The following BCAR3 variants were observed in gnomAD, a reference collection of about 807,000 sequenced individuals.
BCAR3 encodes the protein BCAR3 adaptor protein, NSP family member.
In BCAR3, 37 loss-of-function variants were observed where a neutral mutation model predicts 80.1. That is an observed-to-expected ratio of 0.46 (90% CI 0.36 to 0.61). BCAR3 has a LOEUF of 0.61. Ranked by LOEUF, BCAR3 falls within the 20% of genes least tolerant of loss-of-function variation. The pLI is 0.00. For missense variants in BCAR3, 978 were observed against 1,068.2 expected, an observed-to-expected ratio of 0.92 and a Z score of 1.18; for synonymous variants, 389 against 418.9, an observed-to-expected ratio of 0.93 and a Z score of 0.87.
intron 2 of BCAR3, among the ~76,000 whole-genome samples, chr1:93,800,917 T>G (rs1653455990): frequency 1.3e-5 from 2 of 152,206 alleles, no homozygotes; most frequent in Non-Finnish European, 1.5e-5. Context: ...TCATTTGAAC[T>G]GTTTGATTAC....
chr1:93,728,680 C>T (rs1243846621), intron 2 of BCAR3, among the ~76,000 whole-genome samples: 1 of 152,218 alleles, frequency 6.6e-6, no homozygotes, highest in Admixed American at 6.5e-5. Flanking sequence ...TGGTCAATGG[C>T]CTGCAGGCAT....
At position 93,642,265 on chromosome 1, in the gene BCAR3, C is replaced by T. The variant is rs372532307; in HGVS notation, c.357+39G>A. ...TGTGTTCCAAATGGGAAATCTACTA[C>T]CCAGGGTCACGGCTACATGTTTAAT... On this transcript the variant is annotated intron_variant, in intron 3 of 11. Coordinates refer to ENST00000260502, the MANE Select transcript of BCAR3 (RefSeq NM_003567.4). 6.2e-5 allele frequency: 100 copies of T among 1,604,180 alleles called. 1 individual carries two copies. In the African/African-American group the frequency reaches 7.2e-4, roughly 12 times the overall value.
intron 2 of BCAR3, among the ~76,000 whole-genome samples, chr1:93,786,645 G>A (rs1283010950): frequency 6.6e-6 from 1 of 152,168 alleles, no homozygotes; most frequent in East Asian, 1.9e-4. Flanking sequence ...GAAGGCCAAA[G>A]AAAGGCCCAA....
intron 3 of BCAR3, among the ~76,000 whole-genome samples, chr1:93,600,116 A>G (rs1674574245): frequency 6.6e-6 from 1 of 152,134 alleles, no homozygotes; most frequent in Non-Finnish European, 1.5e-5. Flanking sequence ...CACCACACAC[A>G]CATATACACA....
At position 93,642,358 on chromosome 1, in the gene BCAR3, T is replaced by C. The variant is rs767007525; in HGVS notation, c.318-15A>G. 1.4e-5 allele frequency: 23 copies of C among 1,608,490 alleles called. No individual in the cohort carries two copies. In the Admixed American group the frequency reaches 3.8e-4, roughly 27 times the overall value. ...GATGTGGATCCCTGAAAAGAGAAAATATAAATATGAGAATGGTTGGGAACG... is the reference window on the plus strand; with the variant it reads ...GATGTGGATCCCTGAAAAGAGAAAACATAAATATGAGAATGGTTGGGAACG... On this transcript the variant is annotated splice_polypyrimidine_tract_variant and intron_variant, in intron 2 of 11. Transcript: ENST00000260502.
rs114222724 is a variant in BCAR3, at chr1:93,699,759, T to C, written c.-12+6333A>G. On this transcript the variant is annotated intron_variant, in intron 3 of 13. Coordinates refer to the BCAR3 transcript ENST00000370244. ...AATAATAGCCAAGTTTACTGAGTGCTTATTATGTAATAGCCAAGCACTGTT... is the reference window on the plus strand; with the variant it reads ...AATAATAGCCAAGTTTACTGAGTGCCTATTATGTAATAGCCAAGCACTGTT... Among the ~76,000 whole-genome samples the C allele has an allele frequency of 8.7e-3, 1,320 of 152,296 alleles. 11 individuals carry two copies. The highest frequency in any genetic ancestry group is 0.022 in the African/African-American group (928 of 41,564).
At chr1:93,832,193 G>A (rs1331501808) in intron 2 of BCAR3, among the ~76,000 whole-genome samples, 10 of 152,318 alleles carry the variant, frequency 6.6e-5, no homozygotes, top group East Asian at 3.9e-4. Context: ...TAGCCAAGTA[G>A]CAACGTATTT....
chr1:93,639,601 C>T (rs545837090), intron 3 of BCAR3, among the ~76,000 whole-genome samples: 11 of 151,834 alleles, frequency 7.2e-5, no homozygotes, highest in Non-Finnish European at 1.5e-4. Context: ...CTCAGCCTCC[C>T]GAGTAGCTAG....
chr1:93,627,225 T>C (rs371849283), intron 3 of BCAR3, among the ~76,000 whole-genome samples: 13 of 152,314 alleles, frequency 8.5e-5, no homozygotes, highest in African/African-American at 3.1e-4. Flanking sequence ...CGTAAACCAA[T>C]ATTTTTCAAA....
At chr1:93,690,723 C>T (rs1649158656) in intron 3 of BCAR3, among the ~76,000 whole-genome samples, 1 of 152,146 alleles carries the variant, frequency 6.6e-6, no homozygotes, top group Non-Finnish European at 1.5e-5. Flanking sequence ...AGTTACATAC[C>T]TCATGATGCT....
intron 2 of BCAR3, among the ~76,000 whole-genome samples, chr1:93,757,741 C>T (rs967935792): frequency 6.6e-6 from 1 of 152,228 alleles, no homozygotes; most frequent in Non-Finnish European, 1.5e-5. Context: ...CACACAGCTT[C>T]CTTGCTGGTG....
intron 2 of BCAR3, among the ~76,000 whole-genome samples, chr1:93,823,302 A>G (rs1378493979): frequency 2.3e-5 from 3 of 133,310 alleles, no homozygotes; most frequent in Non-Finnish European, 3.4e-5. Flanking sequence ...ATCCCAACCA[A>G]TTCTCAATCT....
intron 2 of BCAR3, among the ~76,000 whole-genome samples, chr1:93,832,603 G>C (rs1485436404): frequency 6.6e-6 from 1 of 152,144 alleles, no homozygotes; most frequent in African/African-American, 2.4e-5. Context: ...ACAGTGGAAG[G>C]TAAGTCCATC....
At chr1:93,628,679 A>G (rs528771823) in intron 3 of BCAR3, among the ~76,000 whole-genome samples, 1 of 151,968 alleles carries the variant, frequency 6.6e-6, no homozygotes, top group Non-Finnish European at 1.5e-5. Flanking sequence ...CCTTACTCCA[A>G]CTTTCATAGC....
chr1:93,651,965 G>A (rs889518234), intron 2 of BCAR3, among the ~76,000 whole-genome samples: 13 of 152,146 alleles, frequency 8.5e-5, no homozygotes, highest in East Asian at 1.9e-4. Context: ...ACAAACCAGC[G>A]GTGCTCTCTG....
At chr1:93,692,435 G>A (rs1220310457) in intron 3 of BCAR3, among the ~76,000 whole-genome samples, 1 of 152,180 alleles carries the variant, frequency 6.6e-6, no homozygotes, top group African/African-American at 2.4e-5. Context: ...ATTGGCCTAG[G>A]TGTCTGCAAA....
intron 2 of BCAR3, among the ~76,000 whole-genome samples, chr1:93,743,119 A>G (rs1177784049): frequency 4.6e-5 from 7 of 152,236 alleles, no homozygotes; most frequent in Admixed American, 4.6e-4. Context: ...GTTATCAGAA[A>G]AAAATGTTGA....
intron 3 of BCAR3, among the ~76,000 whole-genome samples, chr1:93,699,447 C>CCAACCT (rs1427953400): frequency 2.0e-5 from 3 of 152,264 alleles, no homozygotes; most frequent in African/African-American, 7.2e-5. Context: ...CTCCCCAACC[C>CCAACCT]CAACCTCGAG....
At chr1:93,590,914 T>G (rs1674147235) in intron 4 of BCAR3, among the ~76,000 whole-genome samples, 1 of 152,042 alleles carries the variant, frequency 6.6e-6, no homozygotes, top group Non-Finnish European at 1.5e-5. Context: ...CAGGACATAG[T>G]AAGTGAGTAG....
Sources: gnomAD v4.1 joint callset for allele counts (sites outside exome capture counted in the v4.1 genomes callset) on GRCh38, gnomAD v4.1.1 for gene constraint, MANE v1.5 for transcripts, NCBI Gene and HGNC (gene_info 2026-07-23, HGNC 2026-07-21) for gene names.